The following ARL15 variants were observed in gnomAD, a reference collection of about 807,000 sequenced individuals.
ARL15 encodes the protein ADP-ribosylation factor-like protein 15.
In ARL15, 19 loss-of-function variants were observed where a neutral mutation model predicts 25.2. The ratio of observed to expected loss-of-function variants is 0.75; its 90% CI spans 0.53 to 1.10. The LOEUF (loss-of-function observed/expected upper bound fraction) is 1.10. Ranked by LOEUF, ARL15 falls within the 50% of genes least tolerant of loss-of-function variation. The pLI is 0.00. For missense variants in ARL15, 220 were observed against 246.0 expected (o/e 0.89, Z 0.71); for synonymous variants, 94 against 86.8 (o/e 1.08, Z -0.46).
intron 4 of ARL15, among the ~76,000 whole-genome samples, chr5:53,938,485 C>A (rs774977828): frequency 1.3e-5 from 2 of 152,224 alleles, no homozygotes; most frequent in Non-Finnish European, 2.9e-5. Context: ...ATACATCAAT[C>A]TTTTGTCCAA....
At chr5:54,214,959 G>T (rs1033853281) in intron 1 of ARL15, among the ~76,000 whole-genome samples, 5 of 152,046 alleles carry the variant, frequency 3.3e-5, no homozygotes, top group Non-Finnish European at 7.4e-5. Context: ...AGCAGATCAC[G>T]TTACTCCAGA....
At chr5:54,035,293 G>A (rs1409028144) in intron 4 of ARL15, among the ~76,000 whole-genome samples, 1 of 152,064 alleles carries the variant, frequency 6.6e-6, no homozygotes, top group African/African-American at 2.4e-5. Flanking sequence ...ACTGTCTGGA[G>A]GAAGAAATGT....
chr5:53,920,644 T>TAAA (rs1745819731), intron 4 of ARL15, among the ~76,000 whole-genome samples: 3 of 107,594 alleles, frequency 2.8e-5, no homozygotes, highest in African/African-American at 3.8e-5. Flanking sequence ...CTGTCTCTAT[T>TAAA]AAAAAATAAT....
chr5:54,195,709 A>G (rs1349022489), intron 1 of ARL15, among the ~76,000 whole-genome samples: 1 of 152,166 alleles, frequency 6.6e-6, no homozygotes, highest in Non-Finnish European at 1.5e-5. Flanking sequence ...TTCTATGCAT[A>G]TACTAATATA....
At chr5:54,082,320 T>C (rs1484445360) in intron 4 of ARL15, among the ~76,000 whole-genome samples, 1 of 152,174 alleles carries the variant, frequency 6.6e-6, no homozygotes, top group African/African-American at 2.4e-5. Flanking sequence ...AACTACAGCA[T>C]GAAAGTTCTA....
chr5:54,066,037 T>G (rs566855673), intron 4 of ARL15, among the ~76,000 whole-genome samples: 324 of 152,334 alleles, frequency 2.1e-3, no homozygotes, highest in African/African-American at 7.4e-3. Flanking sequence ...TGCTAGATGT[T>G]TTAAATACAT....
intron 4 of ARL15, among the ~76,000 whole-genome samples, chr5:53,978,630 AAAAAAAG>A (rs1489771529): frequency 1.2e-4 from 18 of 150,300 alleles, no homozygotes; most frequent in South Asian, 6.3e-4. Context: ...TACAAAAAAA[AAAAAAAG>A]AAAAGAAAAG....
intron 4 of ARL15, among the ~76,000 whole-genome samples, chr5:54,097,849 A>T (rs1043758931): frequency 6.6e-6 from 1 of 152,258 alleles, no homozygotes; most frequent in Admixed American, 6.5e-5. Context: ...CAAAGTGTAT[A>T]CATGCACACA....
chr5:54,246,809 C>T (rs1250907325), intron 1 of ARL15, among the ~76,000 whole-genome samples: 1 of 108,224 alleles, frequency 9.2e-6, no homozygotes, highest in Non-Finnish European at 2.1e-5. Flanking sequence ...CACACACACA[C>T]ACACACACAC....
chr5:54,050,220 T>C (rs151207135), intron 4 of ARL15, among the ~76,000 whole-genome samples: 1 of 152,304 alleles, frequency 6.6e-6, no homozygotes, highest in African/African-American at 2.4e-5. Flanking sequence ...TTTACTTCGA[T>C]CTGGTGCTAC....
chr5:54,039,800 TAAAAAAA>T (rs35030165), intron 4 of ARL15, among the ~76,000 whole-genome samples: 2 of 52,546 alleles, frequency 3.8e-5, no homozygotes. Flanking sequence ...AGACTCTGTC[TAAAAAAA>T]AAAAAAAAAA....
chr5:54,018,197 T>A (rs930816524), intron 4 of ARL15, among the ~76,000 whole-genome samples: 12 of 152,320 alleles, frequency 7.9e-5, no homozygotes, highest in African/African-American at 2.9e-4. Context: ...AACCATTAGC[T>A]CAAATGCACA....
At chr5:53,999,656 T>G (rs1315187852) in intron 4 of ARL15, among the ~76,000 whole-genome samples, 5 of 152,138 alleles carry the variant, frequency 3.3e-5, no homozygotes, top group Non-Finnish European at 7.4e-5. Flanking sequence ...CTCACACCTG[T>G]AATCCCAGCA....
rs532132063 is a variant in ARL15, at chr5:53,973,738, T to TA, written c.463-87026dup. Among the ~76,000 whole-genome samples, 14 of 151,912 alleles carry TA rather than the reference T, an allele frequency of 9.2e-5. No homozygotes were observed. In the East Asian group the frequency reaches 1.4e-3, roughly 15 times the overall value. On this transcript the variant is annotated intron_variant, in intron 4 of 4. Coordinates refer to ENST00000504924, the MANE Select transcript of ARL15 (RefSeq NM_019087.3). ...TGCATGGTAGAGAAAGACCCTGTCT[T>TA]AAAAAAACAAAACAAAACAAACAAA...
At chr5:53,984,082 A>C (rs796634854) in intron 4 of ARL15, among the ~76,000 whole-genome samples, 5 of 152,300 alleles carry the variant, frequency 3.3e-5, no homozygotes, top group African/African-American at 1.2e-4. Context: ...ACCGCCCTGG[A>C]TATTAAGGGA....
chr5:54,293,593 G>C (rs1160023434), intron 1 of ARL15, among the ~76,000 whole-genome samples: 1 of 152,138 alleles, frequency 6.6e-6, no homozygotes, highest in Non-Finnish European at 1.5e-5. Flanking sequence ...AAGTTGAAAG[G>C]AACTTTGCAT....
intron 4 of ARL15, among the ~76,000 whole-genome samples, chr5:54,052,019 A>G (rs2111990655): frequency 6.6e-6 from 1 of 152,360 alleles, no homozygotes; most frequent in African/African-American, 2.4e-5. Context: ...ATTGCTAAGT[A>G]AAAGAAGCCA....
rs5867914 is a variant in ARL15 at position 54,134,568 on chromosome 5, C to CTTTTTTT, written c.253+20005_253+20011dup. On this transcript the variant is annotated intron_variant, in intron 3 of 4. Transcript: ENST00000504924. ...GTGAGCTCCCTGAAGGAATGATTAGCTTTTTTTTTTTTTTTTTTTTTTTTT... is the reference window on the plus strand; with the variant it reads ...GTGAGCTCCCTGAAGGAATGATTAGCTTTTTTTTTTTTTTTTTTTTTTTTTTTTTTTT... Among the ~76,000 whole-genome samples the CTTTTTTT allele has an allele frequency of 5.6e-4, 29 of 51,800 alleles. 1 individual carries two copies. The highest frequency in any genetic ancestry group is 8.8e-4 in the Non-Finnish European group (26 of 29,544). The allele number at this position is 51,800 out of a possible 152,430, so 34.0% of individuals were successfully genotyped here.
At chr5:53,974,484 C>T (rs1453602183) in intron 4 of ARL15, among the ~76,000 whole-genome samples, 1 of 152,186 alleles carries the variant, frequency 6.6e-6, no homozygotes, top group Admixed American at 6.5e-5. Context: ...TCTCTGCGCT[C>T]ACTGTTTTCT....
Sources: allele counts gnomAD v4.1 joint callset (sites outside exome capture counted in the v4.1 genomes callset), GRCh38; gene constraint gnomAD v4.1.1; transcripts MANE v1.5; gene names NCBI Gene and HGNC (gene_info 2026-07-23, HGNC 2026-07-21).